LRRC3C: variants seen among roughly 807,000 people sequenced by gnomAD.
LRRC3C encodes the protein leucine rich repeat containing 3C, also known as leucine-rich repeat-containing protein 3C.
Under a neutral mutation model 14.8 loss-of-function variants are expected in LRRC3C, and 11 were observed. That is an observed-to-expected ratio of 0.74 (90% CI 0.47 to 1.23). LRRC3C has a LOEUF of 1.23. Ranked by LOEUF, LRRC3C falls within the 50% of genes most tolerant of loss-of-function variation. The pLI is 0.00. For missense variants in LRRC3C, 354 were observed against 361.8 expected (o/e 0.98, Z 0.18); for synonymous variants, 149 against 161.5 (o/e 0.92, Z 0.59).
intron 1 of LRRC3C, among the ~76,000 whole-genome samples, chr17:39,933,857 C>T (rs1028325952): frequency 2.0e-5 from 3 of 152,232 alleles, no homozygotes; most frequent in African/African-American, 7.2e-5. Context: ...GAGGTCCTGT[C>T]CAGAGCAAGT....
At chr17:39,941,575 G>C in intron 3 of LRRC3C, 26 bp downstream of exon 3, 3 of 1,532,592 alleles carry the variant, frequency 2.0e-6, no homozygotes, top group Non-Finnish European at 2.6e-6. Flanking sequence ...CCTAGTCTCT[G>C]TGACACCCCA....
In LRRC3C at chr17:39,933,462, C is replaced by T. The variant is rs114452929; in HGVS notation, c.-174-2340C>T. Among the ~76,000 whole-genome samples the T allele has an allele frequency of 8.8e-3, 1,334 of 152,216 alleles. 12 individuals carry two copies. The highest frequency in any genetic ancestry group is 0.027 in the African/African-American group (1,133 of 41,532). ...AAGAAACAGTGCCTCGAGCTGGGTG[C>T]GATGGCTCACGCCTGTAATCCCAGC... On this transcript the variant is annotated intron_variant, in intron 1 of 3. Transcript: ENST00000377924.
At chr17:39,932,493 C>T (rs1053426843) in intron 1 of LRRC3C, among the ~76,000 whole-genome samples, 3 of 151,496 alleles carry the variant, frequency 2.0e-5, no homozygotes, top group African/African-American at 7.3e-5. Flanking sequence ...TGCTTGAGGC[C>T]AGGAGTTCAA....
At chr17:39,927,862 T>A in intron 1 of LRRC3C, 48 bp downstream of exon 1, 1 of 985,660 alleles carries the variant, frequency 1.0e-6, no homozygotes, top group Non-Finnish European at 1.2e-6. Flanking sequence ...AAGTGTATTT[T>A]ATCCGTGCCC....
intron 1 of LRRC3C, among the ~76,000 whole-genome samples, chr17:39,933,568 A>G (rs1021164483): frequency 1.3e-5 from 2 of 152,110 alleles, no homozygotes; most frequent in African/African-American, 4.8e-5. Context: ...CCCCATCTCC[A>G]CTAAAAATAC....
Position 39,944,881 on chromosome 17 carries a change from T to A in LRRC3C, c.*147T>A. On this transcript the variant is annotated 3_prime_UTR_variant, in exon 4 of 4. Transcript: ENST00000377924. ...CTCCTTTATTCCCCCTAAATACCTGTGCTGGTTCTCTCTCTCTCTCTCTGT... is the reference window on the plus strand; with the variant it reads ...CTCCTTTATTCCCCCTAAATACCTGAGCTGGTTCTCTCTCTCTCTCTCTGT... The A allele has an allele frequency of 1.4e-6, 1 of 694,850 alleles. No homozygotes were observed. The highest frequency in any genetic ancestry group is 2.4e-6 in the Non-Finnish European group (1 of 421,612). The allele number at this position is 694,850 out of a possible 1,614,324, so 43.0% of individuals were successfully genotyped here.
chr17:39,928,759 G>C (rs1403873399), intron 1 of LRRC3C, among the ~76,000 whole-genome samples: 1 of 152,210 alleles, frequency 6.6e-6, no homozygotes, highest in African/African-American at 2.4e-5. Context: ...GGAAGGAAAA[G>C]GCTAGCCCAG....
chr17:39,931,532 T>C (rs994463702), intron 1 of LRRC3C, among the ~76,000 whole-genome samples: 2 of 151,864 alleles, frequency 1.3e-5, no homozygotes, highest in African/African-American at 4.8e-5. Flanking sequence ...TGATTGCATT[T>C]GCTTCGAAAT....
At position 39,927,766 on chromosome 17, in the gene LRRC3C, T is replaced by TA. The variant is rs373893189; in HGVS notation, c.-223_-222insA. The stretch of plus-strand genomic sequence containing the variant: ...TCCCGGCCTCTTCGGGGACGCACGG[T>TA]TGGAAGTTGTACCGTGACGTGATGG... On this transcript the variant is annotated 5_prime_UTR_variant, in exon 1 of 4. It adds an upstream start codon to the 5' untranslated region. Coordinates refer to ENST00000377924, the MANE Select transcript of LRRC3C (RefSeq NM_001195545.2). 2.0e-6 allele frequency: 2 copies of TA among 985,272 alleles called. No individual in the cohort carries two copies. The highest frequency in any genetic ancestry group is 3.5e-5 in the African/African-American group (2 of 57,262). 61.0% of individuals were successfully genotyped at this position (985,272 alleles called of 1,614,324 possible).
intron 2 of LRRC3C, among the ~76,000 whole-genome samples, chr17:39,939,135 G>A (rs752672978): frequency 6.6e-6 from 1 of 152,006 alleles, no homozygotes; most frequent in African/African-American, 2.4e-5. Context: ...AGATGTCATT[G>A]ACCAGAATTG....
At chr17:39,935,407 G>A (rs7207600) in intron 1 of LRRC3C, among the ~76,000 whole-genome samples, 105,566 of 151,890 alleles carry the variant, frequency 0.7, 37,360 homozygotes, top group African/African-American at 0.81. Context: ...TTAGGTGATC[G>A]GAGGGCTATA....
chr17:39,944,611 C>G lies in LRRC3C; in HGVS notation c.705C>G (p.Leu235=). Reference sequence around the variant, plus strand: ...TCACCATGGGGGGCTGGCTGACACTCATGGTGGCTTATCTGGTGCATTATG... The same window carrying G: ...TCACCATGGGGGGCTGGCTGACACTGATGGTGGCTTATCTGGTGCATTATG... ...LLVTMGGWLT[L]MVAYLVHYVW... Residue 235 remains leucine (L), a synonymous_variant, in exon 4 of 4, where the codon CTC becomes CTG. Coordinates refer to ENST00000377924, the MANE Select transcript of LRRC3C (RefSeq NM_001195545.2). 1 of 1,535,876 alleles carries G rather than the reference C, an allele frequency of 6.5e-7. No homozygotes were observed. The highest frequency in any genetic ancestry group is 8.7e-7 in the Non-Finnish European group (1 of 1,146,826).
chr17:39,928,581 A>G (rs750085514), intron 1 of LRRC3C, among the ~76,000 whole-genome samples: 2 of 152,196 alleles, frequency 1.3e-5, no homozygotes, highest in Non-Finnish European at 2.9e-5. Flanking sequence ...CCCATTCTCC[A>G]TGTCACCAAG....
At chr17:39,932,984 G>A (rs141110771) in intron 1 of LRRC3C, among the ~76,000 whole-genome samples, 20 of 151,746 alleles carry the variant, frequency 1.3e-4, no homozygotes, top group Non-Finnish European at 2.9e-4. Context: ...CCCGGGAGGC[G>A]GAGGCTGCAG....
rs1389352976 is a variant in LRRC3C, at chr17:39,943,980, C to A, written c.74C>A (p.Thr25Lys). Reference protein sequence around the residue: ...GLCQFMAMLPTAGHLLPLLLV... With the variant: ...GLCQFMAMLPKAGHLLPLLLV... ...TGCCAATTTATGGCCATGCTCCCAA[C>A]AGCAGGTCACCTCCTGCCCCTCCTG... Residue 25 changes from threonine to lysine, a missense_variant, in exon 4 of 4, where the codon ACA (threonine) becomes AAA (lysine). Thr to Lys is a moderately conservative substitution (Grantham distance 78, BLOSUM62 -1). Transcript: ENST00000377924. 2.6e-6 allele frequency: 4 copies of A among 1,536,034 alleles called. No individual in the cohort carries two copies. Among genetic ancestry groups the A allele is most frequent in the Non-Finnish European group, 3.5e-6 (4 of 1,146,910 alleles).
chr17:39,930,708 CAAA>C (rs71300058), intron 1 of LRRC3C, among the ~76,000 whole-genome samples: 2 of 70,644 alleles, frequency 2.8e-5, no homozygotes, highest in Admixed American at 2.1e-4. Context: ...GGCTCTGTCT[CAAA>C]AAAAAAAAAA....
intron 1 of LRRC3C, among the ~76,000 whole-genome samples, chr17:39,930,396 T>TAA (rs34932103): frequency 1.6e-4 from 8 of 48,606 alleles, no homozygotes; most frequent in South Asian, 1.0e-3. Flanking sequence ...AAACTGACTT[T>TAA]AAAAAAAAAA....
chr17:39,932,679 C>T (rs1568116704), intron 1 of LRRC3C, among the ~76,000 whole-genome samples: 1 of 151,336 alleles, frequency 6.6e-6, no homozygotes, highest in African/African-American at 2.4e-5. Context: ...GTTATGATCT[C>T]GCTAGGAATT....
chr17:39,933,408 C>A (rs969900629), intron 1 of LRRC3C, among the ~76,000 whole-genome samples: 2 of 152,004 alleles, frequency 1.3e-5, no homozygotes, highest in African/African-American at 4.8e-5. Flanking sequence ...TGCTGCTGGC[C>A]GTGTTCAGAA....
Sources: gnomAD v4.1 joint callset for allele counts (sites outside exome capture counted in the v4.1 genomes callset) on GRCh38, gnomAD v4.1.1 for gene constraint, MANE v1.5 for transcripts, NCBI Gene and HGNC (gene_info 2026-07-23, HGNC 2026-07-21) for gene names.